CCDC91: variants seen among roughly 807,000 people sequenced by gnomAD.
CCDC91 encodes coiled-coil domain containing 91, also known as coiled-coil domain-containing protein 91.
CCDC91 carries 48 observed loss-of-function variants against 63.2 expected under a neutral mutation model. That is an observed-to-expected ratio of 0.76 (90% CI 0.60 to 0.97). The LOEUF is 0.97. CCDC91 is among the 50% of genes least tolerant of loss of function. The pLI, the probability that CCDC91 is intolerant of heterozygous loss-of-function variation, is 0.00. For missense variants in CCDC91, 500 were observed against 494.6 expected (o/e 1.01, Z -0.10); for synonymous variants, 167 against 165.8 (o/e 1.01, Z -0.06).
At chr12:28,458,241 A>T (rs765430895) in intron 11 of CCDC91, among the ~76,000 whole-genome samples, 4 of 152,072 alleles carry the variant, frequency 2.6e-5, no homozygotes, top group Non-Finnish European at 5.9e-5. Context: ...AATAATCTAG[A>T]TGATAATAAA....
chr12:28,301,209 A>T (rs1411159928), intron 3 of CCDC91, among the ~76,000 whole-genome samples: 3 of 151,448 alleles, frequency 2.0e-5, no homozygotes, highest in African/African-American at 7.3e-5. Context: ...TTTAGGGCTG[A>T]GGTTTATATA....
chr12:28,540,212 T>C (rs927903116), intron 12 of CCDC91, among the ~76,000 whole-genome samples: 1 of 152,174 alleles, frequency 6.6e-6, no homozygotes, highest in Non-Finnish European at 1.5e-5. Flanking sequence ...GTTGTTTTCA[T>C]ACATAGCCAC....
At chr12:28,295,405 A>C (rs960469277) in intron 3 of CCDC91, among the ~76,000 whole-genome samples, 6 of 152,118 alleles carry the variant, frequency 3.9e-5, no homozygotes, top group African/African-American at 1.4e-4. Flanking sequence ...AACACCTTTG[A>C]TATACAGCAC....
intron 8 of CCDC91, among the ~76,000 whole-genome samples, chr12:28,416,950 A>G (rs1351306023): frequency 1.3e-5 from 2 of 152,078 alleles, no homozygotes; most frequent in Non-Finnish European, 2.9e-5. Flanking sequence ...TGACCTTTCA[A>G]TTTAGTTATG....
chr12:28,377,386 T>C lies in CCDC91; in HGVS notation c.655-13918T>C, dbSNP rs115882205. ...GAAACATTATCGAATTTTGATGTAGTTGACAGATTAAAAAGAATGCTAAGT... is the reference window on the plus strand; with the variant it reads ...GAAACATTATCGAATTTTGATGTAGCTGACAGATTAAAAAGAATGCTAAGT... On this transcript the variant is annotated intron_variant, in intron 7 of 12. Coordinates refer to ENST00000536442, the MANE Select transcript of CCDC91 (RefSeq NM_018318.5). 9.2e-3 allele frequency among the ~76,000 whole-genome samples: 1,398 copies of C among 151,848 alleles called. 27 individuals carry two copies. The highest frequency in any genetic ancestry group is 0.032 in the African/African-American group (1,328 of 41,470).
chr12:28,199,708 T>C (rs2121413342), intron 1 of CCDC91, among the ~76,000 whole-genome samples: 1 of 152,348 alleles, frequency 6.6e-6, no homozygotes, highest in Middle Eastern at 3.4e-3. Flanking sequence ...ATAGTTTTGC[T>C]AGAATTAGAA....
At chr12:28,305,510 AT>A in intron 3 of CCDC91, 138 bp from the exon 4 acceptor site, 1 of 733,992 alleles carries the variant, frequency 1.4e-6, no homozygotes, top group Admixed American at 2.9e-5. Flanking sequence ...TAGAATCCTG[AT>A]TTTTCACTCT....
intron 6 of CCDC91, among the ~76,000 whole-genome samples, chr12:28,324,581 T>C (rs115176893): frequency 1.5e-3 from 228 of 152,050 alleles, no homozygotes; most frequent in African/African-American, 4.1e-3. Context: ...ATCATTTTAT[T>C]CTCTGGCTTA....
chr12:28,191,659 GGTGA>G (rs1941262675), intron 1 of CCDC91, among the ~76,000 whole-genome samples: 1 of 152,160 alleles, frequency 6.6e-6, no homozygotes, highest in African/African-American at 2.4e-5. Flanking sequence ...AGTTGGGTGG[GGTGA>G]CAGGGACTGA....
chr12:28,323,264 G>T (rs1449642315), intron 6 of CCDC91, among the ~76,000 whole-genome samples: 5 of 151,570 alleles, frequency 3.3e-5, no homozygotes, highest in Non-Finnish European at 7.4e-5. Context: ...CGGTCATTTT[G>T]TAGTTTCATT....
Position 28,308,483 on chromosome 12 carries a change from C to T in CCDC91, c.576+734C>T, listed in dbSNP as rs369687588. On this transcript the variant is annotated intron_variant, in intron 6 of 12. Transcript: ENST00000536442. Reference sequence around the variant, plus strand: ...TCATGTCATTATTCTGTTCTAAAACCTTCGTGGGCTTCTTATCTTTCCCAC... The same window carrying T: ...TCATGTCATTATTCTGTTCTAAAACTTTCGTGGGCTTCTTATCTTTCCCAC... Among the ~76,000 whole-genome samples, 52 of 152,046 alleles carry T rather than the reference C, an allele frequency of 3.4e-4. 1 individual carries two copies. In the South Asian group the frequency reaches 3.7e-3, roughly 11 times the overall value.
chr12:28,436,615 A>G (rs537900475), intron 8 of CCDC91, among the ~76,000 whole-genome samples: 1 of 151,886 alleles, frequency 6.6e-6, no homozygotes, highest in East Asian at 1.9e-4. Flanking sequence ...AACTTGCATC[A>G]TTTTCCTTGT....
At chr12:28,393,981 T>C (rs1176468881) in intron 8 of CCDC91, among the ~76,000 whole-genome samples, 1 of 152,198 alleles carries the variant, frequency 6.6e-6, no homozygotes, top group Non-Finnish European at 1.5e-5. Flanking sequence ...TACAATAGTA[T>C]CTACGTTTAA....
At chr12:28,501,409 A>C (rs913588259) in intron 12 of CCDC91, among the ~76,000 whole-genome samples, 14 of 152,060 alleles carry the variant, frequency 9.2e-5, no homozygotes, top group South Asian at 2.1e-4. Context: ...GAGAGTTTTT[A>C]GCATGAAGGG....
At chr12:28,536,001 C>A (rs1413036938) in intron 12 of CCDC91, among the ~76,000 whole-genome samples, 2 of 148,230 alleles carry the variant, frequency 1.3e-5, no homozygotes, top group African/African-American at 5.0e-5. Flanking sequence ...TGCATTCCAG[C>A]GTGGGTGACA....
chr12:28,281,968 G>A (rs375134095), intron 3 of CCDC91, among the ~76,000 whole-genome samples: 1 of 152,048 alleles, frequency 6.6e-6, no homozygotes, highest in African/African-American at 2.4e-5. Context: ...CTTGTAAACT[G>A]TTGAATTGAA....
chr12:28,198,804 A>G (rs1565593779), intron 1 of CCDC91: 1 of 139,892 alleles, frequency 7.1e-6, no homozygotes, highest in Non-Finnish European at 1.6e-5. Context: ...TCATTTTGCT[A>G]TTTTTTCTGT....
intron 12 of CCDC91, among the ~76,000 whole-genome samples, chr12:28,536,046 T>A (rs1355175505): frequency 1.1e-4 from 16 of 148,942 alleles, no homozygotes; most frequent in South Asian, 4.3e-4. Flanking sequence ...AAAAAAAATA[T>A]ATATTGTGGG....
intron 3 of CCDC91, among the ~76,000 whole-genome samples, chr12:28,274,100 C>T (rs752343915): frequency 1.7e-4 from 26 of 152,122 alleles, no homozygotes; most frequent in African/African-American, 3.1e-4. Context: ...AACAGGGAAT[C>T]GTTTCCCCAT....
Sources: gnomAD v4.1 joint callset for allele counts (sites outside exome capture counted in the v4.1 genomes callset) on GRCh38, gnomAD v4.1.1 for gene constraint, MANE v1.5 for transcripts, NCBI Gene and HGNC (gene_info 2026-07-23, HGNC 2026-07-21) for gene names.